Variants in SVIL observed in about 807,000 individuals in gnomAD.
SVIL encodes the protein supervillin, also known as archvillin.
In SVIL, 101 loss-of-function variants were observed where a neutral mutation model predicts 240.4. That is an observed-to-expected ratio of 0.42 (90% CI 0.36 to 0.50). The LOEUF (loss-of-function observed/expected upper bound fraction) is 0.50. SVIL is among the 20% of genes least tolerant of loss of function. The probability of loss-of-function intolerance (pLI) is 0.01; values close to 1 mark genes in which losing one functional copy is unlikely to be tolerated. For synonymous variants in SVIL, 999 were observed against 1,100.0 expected (o/e 0.91, Z 1.82); for missense variants, 2,512 against 2,818.7 (o/e 0.89, Z 2.46).
At chr10:29,636,802 T>C (rs1958326351), upstream of SVIL, among the ~76,000 whole-genome samples, 1 of 152,088 alleles carries the variant, frequency 6.6e-6, no homozygotes, top group South Asian at 2.1e-4. Context: ...TTGTTTTGTT[T>C]TGTTTTGTTT....
At chr10:29,712,223 A>T (rs919018679) in intron 1 of SVIL, among the ~76,000 whole-genome samples, 1 of 152,114 alleles carries the variant, frequency 6.6e-6, no homozygotes, top group Admixed American at 6.6e-5. Flanking sequence ...CCTTTGGAAC[A>T]TTGTTGAAAT....
Position 29,558,035 on chromosome 10 carries a change from A to T in SVIL, c.-50-2927T>A, listed in dbSNP as rs4749458. Among the ~76,000 whole-genome samples, 3 of 152,170 alleles carry T rather than the reference A, an allele frequency of 2.0e-5. No individual in the cohort carries two copies. In the East Asian group the frequency reaches 5.8e-4, roughly 29 times the overall value. The stretch of plus-strand genomic sequence containing the variant: ...CAAAAATATCCTCATATATTTCTAA[A>T]GCCCCTTAGGGACTGCCCTAAATTG... On this transcript the variant is annotated intron_variant, in intron 3 of 37. Transcript: ENST00000355867.
chr10:29,557,572 A>T (rs1954052496), intron 3 of SVIL, among the ~76,000 whole-genome samples: 1 of 152,148 alleles, frequency 6.6e-6, no homozygotes, highest in East Asian at 1.9e-4. Context: ...TAATTTTAAA[A>T]TTTTTCTATA....
intron 18 of SVIL, among the ~76,000 whole-genome samples, chr10:29,495,711 CG>C (rs1451653920): frequency 3.3e-5 from 5 of 152,066 alleles, no homozygotes; most frequent in African/African-American, 1.2e-4. Flanking sequence ...ACCGACTGTG[CG>C]TGTTGGAAGT....
chr10:29,685,681 C>T (rs1961015398), intron 2 of SVIL, among the ~76,000 whole-genome samples: 1 of 152,218 alleles, frequency 6.6e-6, no homozygotes, highest in Admixed American at 6.5e-5. Flanking sequence ...TGATGCTGAG[C>T]ATTTTTTTAC....
chr10:29,489,720 T>C (rs1947769488), intron 22 of SVIL, among the ~76,000 whole-genome samples: 1 of 152,070 alleles, frequency 6.6e-6, no homozygotes, highest in African/African-American at 2.4e-5. Flanking sequence ...GCTAATTTTT[T>C]CATTTTTTGT....
At chr10:29,521,869 A>G (rs1950581003) in intron 16 of SVIL, among the ~76,000 whole-genome samples, 1 of 152,224 alleles carries the variant, frequency 6.6e-6, no homozygotes, top group Admixed American at 6.5e-5. Context: ...TACCTGACAT[A>G]CAATTTCTAA....
At chr10:29,479,756 G>C (rs1432163985) in intron 29 of SVIL, among the ~76,000 whole-genome samples, 2 of 152,230 alleles carry the variant, frequency 1.3e-5, no homozygotes, top group East Asian at 3.8e-4. Context: ...CCCGGGGGCA[G>C]GTGCACCTGC....
intron 29 of SVIL, among the ~76,000 whole-genome samples, chr10:29,478,736 C>A (rs1382478109): frequency 1.3e-5 from 2 of 151,234 alleles, no homozygotes; most frequent in African/African-American, 4.9e-5. Context: ...GCCTGGGCAA[C>A]ATAGTGAGAC....
chr10:29,614,273 A>C (rs941505992), intron 1 of SVIL, among the ~76,000 whole-genome samples: 18 of 152,214 alleles, frequency 1.2e-4, no homozygotes, highest in African/African-American at 3.9e-4. Flanking sequence ...ATGATCTAGG[A>C]CCAGAAATAC....
chr10:29,548,705 C>A (rs563300867), intron 6 of SVIL, among the ~76,000 whole-genome samples: 1 of 152,334 alleles, frequency 6.6e-6, no homozygotes, highest in South Asian at 2.1e-4. Context: ...AGTCATACTT[C>A]TGTGCTCTGC....
chr10:29,736,593 A>T (rs1209275727), upstream of SVIL: 1 of 152,286 alleles, frequency 6.6e-6, no homozygotes, highest in Non-Finnish European at 1.5e-5. Context: ...GGGACCAGGA[A>T]GAAGGGAGAG....
chr10:29,714,230 G>A (rs1196654569), intron 1 of SVIL, among the ~76,000 whole-genome samples: 4 of 152,214 alleles, frequency 2.6e-5, no homozygotes, highest in Admixed American at 2.6e-4. Context: ...TAACAAACCA[G>A]TGCAAAGCTA....
At chr10:29,521,227 A>AG (rs141526654) in intron 16 of SVIL, among the ~76,000 whole-genome samples, 14,674 of 146,378 alleles carry the variant, frequency 0.1, 849 homozygotes, top group African/African-American at 0.16. Context: ...AGTCTCAAAA[A>AG]GAAAAAAAAA....
At chr10:29,562,072 G>T (rs957648560) in intron 3 of SVIL, among the ~76,000 whole-genome samples, 15 of 152,166 alleles carry the variant, frequency 9.9e-5, no homozygotes, top group African/African-American at 3.6e-4. Context: ...TCTATTAAAA[G>T]AATACGTTTT....
intron 1 of SVIL, among the ~76,000 whole-genome samples, chr10:29,612,492 C>A (rs1957282633): frequency 6.6e-6 from 1 of 152,032 alleles, no homozygotes; most frequent in Admixed American, 6.6e-5. Flanking sequence ...GATAAAGGAC[C>A]TCCCTCCTTG....
chr10:29,498,688 T>C (rs1278711278), intron 18 of SVIL, among the ~76,000 whole-genome samples: 1 of 152,000 alleles, frequency 6.6e-6, no homozygotes, highest in Non-Finnish European at 1.5e-5. Flanking sequence ...GTTTAAAAAA[T>C]TTTAAAAGAA....
chr10:29,465,815 A>G, intron 33 of SVIL, 65 bp from the exon 34 acceptor site: 1 of 1,536,486 alleles, frequency 6.5e-7, no homozygotes, highest in African/African-American at 1.4e-5. Flanking sequence ...CAGATGAAGA[A>G]TGAATGTAAA....
At chr10:29,646,977 T>C (rs1958679275) in intron 3 of SVIL, among the ~76,000 whole-genome samples, 1 of 152,214 alleles carries the variant, frequency 6.6e-6, no homozygotes, top group Non-Finnish European at 1.5e-5. Flanking sequence ...TGGTGGAAAC[T>C]GCTTAAACTC....
Sources: gnomAD v4.1 joint callset for allele counts (sites outside exome capture counted in the v4.1 genomes callset) on GRCh38, gnomAD v4.1.1 for gene constraint, MANE v1.5 for transcripts, NCBI Gene and HGNC (gene_info 2026-07-23, HGNC 2026-07-21) for gene names.